Variants in MYH13 observed in about 807,000 individuals in gnomAD.
MYH13 encodes myosin heavy chain 13, also known as myosin-13.
MYH13 carries 177 observed loss-of-function variants against 232.1 expected under a neutral mutation model. That is an observed-to-expected ratio of 0.76 (90% confidence interval 0.67 to 0.86). The LOEUF is 0.86. Among genes scored for constraint, MYH13 ranks in the 40% least tolerant of loss-of-function variants. The probability of loss-of-function intolerance (pLI) is 0.00; values close to 1 mark genes in which losing one functional copy is unlikely to be tolerated. For synonymous variants in MYH13, 884 were observed against 923.5 expected, an observed-to-expected ratio of 0.96 and a Z score of 0.78; for missense variants, 2,246 against 2,405.9, an observed-to-expected ratio of 0.93 and a Z score of 1.39.
At chr17:10,301,317 G>C (rs373936453) in intron 40 of MYH13, among the ~76,000 whole-genome samples, 1 of 152,144 alleles carries the variant, frequency 6.6e-6, no homozygotes. Flanking sequence ...AGGATCAACA[G>C]TCATCTTCCA....
rs1481519829 is a variant in MYH13 at position 10,324,271 on chromosome 17, G to T, written c.2692-7C>A. On this transcript the variant is annotated splice_polypyrimidine_tract_variant and splice_region_variant and intron_variant, in intron 22 of 40. Coordinates refer to ENST00000252172, the MANE Select transcript of MYH13 (RefSeq NM_003802.3). ...CCATCAGATTTTCTGTTTCCTGAAA[G>T]AACCAGGTCATTTTATGTTTTGATT... is the stretch of plus-strand genomic sequence containing the variant. 1.9e-6 allele frequency: 3 copies of T among 1,612,622 alleles called. No individual in the cohort carries two copies. The highest frequency in any genetic ancestry group is 2.5e-6 in the Non-Finnish European group (3 of 1,179,558).
At chr17:10,328,245 G>A (rs1907287120) in intron 21 of MYH13, 124 bp from the exon 22 acceptor site, 1 of 1,094,068 alleles carries the variant, frequency 9.1e-7, no homozygotes, top group South Asian at 1.5e-5. Flanking sequence ...GTGCAGCCAA[G>A]CTTGGCAGAT....
At position 10,319,135 on chromosome 17, in the gene MYH13, CGT is replaced by C. The variant is rs1906837578; in HGVS notation, c.3391_3392del (p.Thr1131AlafsTer6). ...ELEEEIEAEH[T>X]LRAKIEKQRS... is the part of the protein sequence containing the mutation. ...GCTGCTTCTCAATCTTGGCTCTGAG[CGT>C]GTGTTCCGCTTCAATTTCCTCCTCC... On this transcript the variant is annotated frameshift_variant, in exon 27 of 41. Coordinates refer to ENST00000252172, the MANE Select transcript of MYH13 (RefSeq NM_003802.3). LOFTEE classifies it high-confidence loss of function. 6.2e-7 allele frequency: 1 copy of C among 1,613,994 alleles called. No individual in the cohort carries two copies. Among genetic ancestry groups the C allele is most frequent in the Non-Finnish European group, 8.5e-7 (1 of 1,180,044 alleles).
Position 10,345,304 on chromosome 17 carries a change from G to C in MYH13, c.1482C>G (p.His494Gln). 6.2e-7 allele frequency: 1 copy of C among 1,614,210 alleles called. No homozygotes were observed. The highest frequency in any genetic ancestry group is 1.7e-5 in the Admixed American group (1 of 60,026). The change falls in exon 15 of 41, where the codon CAC becomes CAG. Residue 494 changes from histidine (H) to glutamine (Q), a missense_variant. Physicochemically the swap from His to Gln is conservative, Grantham distance 24. Transcript: ENST00000252172. ...NEKLQQFFNH[H>Q]MFVLEQEEYK... Reference sequence around the variant, plus strand: ...ACTCTTCCTGCTCCAGCACGAACATGTGGTGGTTGAAAAACTGTTGCAGTT... The same window carrying C: ...ACTCTTCCTGCTCCAGCACGAACATCTGGTGGTTGAAAAACTGTTGCAGTT...
At chr17:10,352,150 C>T (rs529895966) in intron 11 of MYH13, among the ~76,000 whole-genome samples, 1 of 152,308 alleles carries the variant, frequency 6.6e-6, no homozygotes, top group Admixed American at 6.5e-5. Flanking sequence ...GTGAAAGCGT[C>T]ACTGCCTGGG....
chr17:10,352,820 C>G (rs2071720491), intron 11 of MYH13, among the ~76,000 whole-genome samples: 1 of 152,168 alleles, frequency 6.6e-6, no homozygotes, highest in Admixed American at 6.5e-5. Context: ...TATATAACAA[C>G]TTAAATTAAA....
At chr17:10,312,166 G>A (rs1296510483) in intron 31 of MYH13, 90 bp from the exon 32 acceptor site, 5 of 1,438,270 alleles carry the variant, frequency 3.5e-6, no homozygotes, top group East Asian at 2.3e-5. Context: ...TAACACCAAC[G>A]TTTTGCCCTT....
At chr17:10,313,396 C>A in intron 29 of MYH13, 42 bp from the exon 30 acceptor site, 1 of 1,613,374 alleles carries the variant, frequency 6.2e-7, no homozygotes, top group Non-Finnish European at 8.5e-7. Flanking sequence ...ACATTTGACC[C>A]TTTTCCAAGT....
intron 37 of MYH13, among the ~76,000 whole-genome samples, chr17:10,305,335 G>C (rs1292937865): frequency 1.3e-5 from 2 of 152,204 alleles, no homozygotes; most frequent in Non-Finnish European, 2.9e-5. Context: ...CATTGTAGTG[G>C]AATAGGACTG....
intron 37 of MYH13, 56 bp from the exon 38 acceptor site, chr17:10,303,554 T>C (rs900650148): frequency 4.1e-6 from 6 of 1,469,658 alleles, no homozygotes; most frequent in East Asian, 2.3e-5. Context: ...GCTTCTCTCA[T>C]GGACTCATGG....
At chr17:10,320,285 G>T (rs1906889751) in intron 25 of MYH13, 42 bp from the exon 26 acceptor site, 11 of 1,601,982 alleles carry the variant, frequency 6.9e-6, no homozygotes, top group African/African-American at 1.3e-5. Flanking sequence ...TGAAATACAA[G>T]CCTCTTGGAG....
intron 11 of MYH13, 179 bp from the exon 12 acceptor site, chr17:10,350,873 G>A (rs999088472): frequency 1.3e-6 from 1 of 776,892 alleles, no homozygotes; most frequent in African/African-American, 1.7e-5. Flanking sequence ...GTTTGTGTGG[G>A]TGGGTGAAGA....
chr17:10,327,001 T>G (rs1907229890), intron 22 of MYH13, among the ~76,000 whole-genome samples: 1 of 37,330 alleles, frequency 2.7e-5, no homozygotes, highest in Non-Finnish European at 6.1e-5. Context: ...TTTTTTTTTT[T>G]TTTTTTTTTT....
chr17:10,321,782 T>G lies in MYH13; in HGVS notation c.2935-74A>C. Reference sequence around the variant, plus strand: ...GCTTCCATCAACAAAAGCTATTGCTTCTTTGCTCATTTTTCCTTTTTCCCT... The same window carrying G: ...GCTTCCATCAACAAAAGCTATTGCTGCTTTGCTCATTTTTCCTTTTTCCCT... On this transcript the variant is annotated intron_variant, in intron 23 of 40. Transcript: ENST00000252172. 6 of 1,369,924 alleles carry G rather than the reference T, an allele frequency of 4.4e-6. No homozygotes were observed. In the South Asian group the frequency reaches 7.0e-5, roughly 16 times the overall value. 84.9% of individuals were successfully genotyped at this position (1,369,924 alleles called of 1,614,324 possible).
chr17:10,340,183 G>T lies in MYH13; in HGVS notation c.2023C>A (p.Arg675=), dbSNP rs752805492. 1.2e-6 allele frequency: 2 copies of T among 1,613,858 alleles called. No homozygotes were observed. The highest frequency in any genetic ancestry group is 1.7e-6 in the Non-Finnish European group (2 of 1,179,868). The part of the protein sequence containing the change: ...NLRSTHPHFV[R]CLIPNETKTP... ...TTGGTCTCATTGGGAATCAGACATC[G>T]TACAAAGTGAGGGTGGGTGCTCCTT... Residue 675 remains arginine (R), a synonymous_variant, in exon 18 of 41, where the codon CGA becomes AGA. Transcript: ENST00000252172.
At chr17:10,345,695 C>T (rs911506907) in intron 13 of MYH13, 79 bp from the exon 14 acceptor site, 21 of 1,609,010 alleles carry the variant, frequency 1.3e-5, no homozygotes, top group African/African-American at 1.1e-4. Context: ...GAAATTGACT[C>T]GAAAATCAAA....
chr17:10,323,012 A>G (rs1907029755), intron 23 of MYH13, among the ~76,000 whole-genome samples: 2 of 152,104 alleles, frequency 1.3e-5, no homozygotes, highest in South Asian at 4.2e-4. Flanking sequence ...ATTGCTCCTA[A>G]TGGCTACGTA....
intron 11 of MYH13, among the ~76,000 whole-genome samples, chr17:10,352,176 T>C (rs1247428033): frequency 3.3e-5 from 5 of 151,866 alleles, no homozygotes; most frequent in African/African-American, 7.3e-5. Flanking sequence ...TTTTGGAGAA[T>C]GTCATCTCCA....
At chr17:10,339,011 T>G (rs2071599767) in intron 18 of MYH13, among the ~76,000 whole-genome samples, 7 of 152,162 alleles carry the variant, frequency 4.6e-5, no homozygotes, top group Admixed American at 4.6e-4. Flanking sequence ...TATCCTTGTT[T>G]TATGGACAAG....
Sources: allele counts gnomAD v4.1 joint callset (sites outside exome capture counted in the v4.1 genomes callset), GRCh38; gene constraint gnomAD v4.1.1; transcripts MANE v1.5; gene names NCBI Gene and HGNC (gene_info 2026-07-23, HGNC 2026-07-21).